The following NCAPD2 variants were observed in gnomAD, a reference collection of about 807,000 sequenced individuals.
NCAPD2 encodes the protein non-SMC condensin I complex subunit D2.
NCAPD2 carries 100 observed loss-of-function variants against 164.5 expected under a neutral mutation model. That is an observed-to-expected ratio of 0.61 (90% CI 0.52 to 0.72). NCAPD2 has a LOEUF of 0.72. NCAPD2 is among the 30% of genes least tolerant of loss of function. The probability of loss-of-function intolerance (pLI) is 0.00; values close to 1 mark genes in which losing one functional copy is unlikely to be tolerated. For synonymous variants in NCAPD2, 585 were observed against 642.6 expected (o/e 0.91, Z 1.36); for missense variants, 1,560 against 1,749.2 (o/e 0.89, Z 1.93).
rs185182072 is a variant in NCAPD2, at chr12:6,505,343, G to A, written c.128-4374G>A. Among the ~76,000 whole-genome samples, 209 of 152,342 alleles carry A rather than the reference G, an allele frequency of 1.4e-3. 1 individual carries two copies. Among genetic ancestry groups the A allele is most frequent in the African/African-American group, 4.5e-3 (187 of 41,578 alleles). On this transcript the variant is annotated intron_variant, in intron 2 of 31. Coordinates refer to ENST00000315579, the MANE Select transcript of NCAPD2 (RefSeq NM_014865.4). ...GGTCTCCAAAGCGCTGGGATTTACA[G>A]GTGTGAGCCAGCGTGCCCGGTCTGC...
In NCAPD2 at chr12:6,531,511, TAAA is replaced by T; in HGVS notation, c.*109_*111del. 1 of 1,359,994 alleles carries T rather than the reference TAAA, an allele frequency of 7.4e-7. No individual in the cohort carries two copies. Among genetic ancestry groups the T allele is most frequent in the South Asian group, 1.4e-5 (1 of 74,020 alleles). 84.2% of individuals were successfully genotyped at this position (1,359,994 alleles called of 1,614,324 possible). A position where few individuals can be genotyped will look rare whatever the true frequency, so the allele number is the denominator to read the frequency against. On this transcript the variant is annotated 3_prime_UTR_variant, in exon 32 of 32. Transcript: ENST00000315579. The surrounding 1 kb of genome is among the most constrained non-coding windows in gnomAD (Gnocchi z 4.1). Reference sequence around the variant, plus strand: ...AAAATATTTGTCTGTCTCTTTTTTTTAAAAAAAAAAAAGGCCGGGCACTGTGGC... The same window carrying T: ...AAAATATTTGTCTGTCTCTTTTTTTTAAAAAAAAAGGCCGGGCACTGTGGC...
At chr12:6,499,179 G>C (rs937165272) in intron 2 of NCAPD2, among the ~76,000 whole-genome samples, 12 of 151,936 alleles carry the variant, frequency 7.9e-5, no homozygotes, top group African/African-American at 2.7e-4. Context: ...TACAATTTAT[G>C]AATTGTGTAT....
In NCAPD2 at chr12:6,519,690, A is replaced by G. The variant is rs141810239; in HGVS notation, c.1590-1296A>G. Among the ~76,000 whole-genome samples the G allele has an allele frequency of 4.4e-4, 67 of 151,896 alleles. 1 individual carries two copies. The highest frequency in any genetic ancestry group is 1.6e-3 in the African/African-American group (67 of 41,424). ...ACCATCTTGTTTTTTTCACTTAACT[A>G]TGTGTCTCAGTGGTTTTTAAAAATA... On this transcript the variant is annotated intron_variant, in intron 13 of 31. Transcript: ENST00000315579.
intron 2 of NCAPD2, among the ~76,000 whole-genome samples, chr12:6,509,283 C>T (rs964889641): frequency 1.2e-4 from 18 of 151,948 alleles, no homozygotes; most frequent in East Asian, 5.8e-4. Flanking sequence ...TGAGATGAGA[C>T]GGAGTTTTGC....
chr12:6,518,504 G>GTTTTTTGTTTTTTTTTTTT (rs1946226490), intron 13 of NCAPD2, among the ~76,000 whole-genome samples: 1 of 44,774 alleles, frequency 2.2e-5, no homozygotes, highest in African/African-American at 1.0e-4. Context: ...CCGTCAACAA[G>GTTTTTTGTTTTTTTTTTTT]TTTTTTTTTT....
Position 6,513,361 on chromosome 12 carries a change from T to C in NCAPD2, c.588-904T>C, listed in dbSNP as rs144987552. ...TTTGAGATCAGCCTGGACAACATAG[T>C]GAAACTGTGTCTCTACAAAAAATAG... On this transcript the variant is annotated intron_variant, in intron 6 of 31. Coordinates refer to ENST00000315579, the MANE Select transcript of NCAPD2 (RefSeq NM_014865.4). Among the ~76,000 whole-genome samples the C allele has an allele frequency of 1.5e-3, 228 of 152,126 alleles. 5 individuals are homozygous for C. The East Asian group carries it at 0.043, about 29-fold the overall frequency.
chr12:6,514,306 C>T lies in NCAPD2; in HGVS notation c.629C>T (p.Thr210Ile), dbSNP rs756503239. 17 of 1,614,156 alleles carry T rather than the reference C, an allele frequency of 1.1e-5. No individual in the cohort carries two copies. The highest frequency in any genetic ancestry group is 7.7e-5 in the South Asian group (7 of 91,080). Residue 210 changes from threonine to isoleucine, a missense_variant, in exon 7 of 32, where the codon ACC (threonine) becomes ATC (isoleucine). Physicochemically the swap from Thr to Ile is moderately conservative, Grantham distance 89 (BLOSUM62 -1). Transcript: ENST00000315579. Reference sequence around the variant, plus strand: ...TGCTACCGCCTTCTGGAGAATCCCACCATTAATCACCAGAAGAACCGCCCC... The same window carrying T: ...TGCTACCGCCTTCTGGAGAATCCCATCATTAATCACCAGAAGAACCGCCCC... Reference protein sequence around the residue: ...GCCYRLLENPTINHQKNRPTR... With the variant: ...GCCYRLLENPIINHQKNRPTR...
chr12:6,524,648 C>CAAAAAAAAAAAAAAAAAAA (rs35443041), intron 17 of NCAPD2, among the ~76,000 whole-genome samples: 1 of 66,582 alleles, frequency 1.5e-5, no homozygotes. Context: ...GACTCTGTCT[C>CAAAAAAAAAAAAAAAAAAA]AAAAAAAAAA....
At chr12:6,517,571 C>T (rs767936658) in intron 11 of NCAPD2, 25 bp from the exon 12 acceptor site, 13 of 1,614,158 alleles carry the variant, frequency 8.1e-6, no homozygotes, top group Non-Finnish European at 1.0e-5. Context: ...CATTTACTGA[C>T]CCTGCTATTC....
chr12:6,519,295 A>G (rs1245884901), intron 13 of NCAPD2, among the ~76,000 whole-genome samples: 1 of 152,134 alleles, frequency 6.6e-6, no homozygotes, highest in Non-Finnish European at 1.5e-5. Context: ...TAGAGACTAT[A>G]GTTTTATAAG....
At position 6,521,127 on chromosome 12, in the gene NCAPD2, T is replaced by C. The variant is rs1457244493; in HGVS notation, c.1714+17T>C. Reference sequence around the variant, plus strand: ...TCTTCAAAGGTAATCATTTTCCTTCTTCAGTCAATAAATAACACATGTCAA... The same window carrying C: ...TCTTCAAAGGTAATCATTTTCCTTCCTCAGTCAATAAATAACACATGTCAA... On this transcript the variant is annotated intron_variant, in intron 14 of 31. Transcript: ENST00000315579. 3.1e-6 allele frequency: 5 copies of C among 1,612,862 alleles called. 1 individual carries two copies. In the South Asian group the frequency reaches 5.5e-5, roughly 18 times the overall value.
intron 3 of NCAPD2, 94 bp downstream of exon 3, chr12:6,509,886 A>G: frequency 1.4e-6 from 2 of 1,401,628 alleles, no homozygotes; most frequent in Admixed American, 3.7e-5. Context: ...TTATAGGTTC[A>G]CTGATAAATG....
intron 2 of NCAPD2, among the ~76,000 whole-genome samples, chr12:6,504,676 G>A (rs1314999401): frequency 6.6e-6 from 1 of 152,062 alleles, no homozygotes; most frequent in Non-Finnish European, 1.5e-5. Context: ...ACAGGTGTGA[G>A]CCACCGCGTC....
chr12:6,507,707 A>G (rs1253007240), intron 2 of NCAPD2, among the ~76,000 whole-genome samples: 10 of 152,332 alleles, frequency 6.6e-5, no homozygotes, highest in African/African-American at 2.2e-4. Flanking sequence ...TAATAGTAAG[A>G]AATAGTAAGA....
intron 21 of NCAPD2, 82 bp from the exon 22 acceptor site, chr12:6,526,809 G>A (rs1002469530): frequency 6.7e-6 from 10 of 1,503,096 alleles, no homozygotes; most frequent in Non-Finnish European, 8.1e-6. Context: ...TGAGCAAGGG[G>A]AAGATCAGTA....
rs2137063244 is a variant in NCAPD2 at position 6,530,776 on chromosome 12, C to T, written c.3923C>T (p.Ala1308Val). ...ATCAAGGAGCTTGAGATTGGCCAAG[C>T]AGGTAGCCAGAGAGCGCCATCAGCC... is the stretch of plus-strand genomic sequence containing the variant. Reference protein sequence around the residue: ...DGIKELEIGQAGSQRAPSAKK... With the variant: ...DGIKELEIGQVGSQRAPSAKK... Residue 1308 changes from alanine (A) to valine (V), a missense_variant, in exon 30 of 32, where the codon GCA (alanine) becomes GTA (valine). Ala to Val is a moderately conservative substitution (Grantham distance 64). Transcript: ENST00000315579. 1.2e-6 allele frequency: 2 copies of T among 1,614,218 alleles called. No homozygotes were observed. Among genetic ancestry groups the T allele is most frequent in the Middle Eastern group, 1.6e-4 (1 of 6,062 alleles).
At chr12:6,522,319 C>G (rs546392039) in intron 15 of NCAPD2, among the ~76,000 whole-genome samples, 2 of 151,858 alleles carry the variant, frequency 1.3e-5, no homozygotes, top group African/African-American at 4.8e-5. Flanking sequence ...GGCGCGATGG[C>G]TCATGCCTGT....
chr12:6,508,585 G>A (rs1428308987), intron 2 of NCAPD2, among the ~76,000 whole-genome samples: 1 of 152,148 alleles, frequency 6.6e-6, no homozygotes, highest in Non-Finnish European at 1.5e-5. Flanking sequence ...AATAGAGATA[G>A]AAAATCACCA....
rs183065417 is a variant in NCAPD2 at position 6,497,283 on chromosome 12, T to G, written c.127+2058T>G. On this transcript the variant is annotated intron_variant, in intron 2 of 31. Transcript: ENST00000315579. Reference sequence around the variant, plus strand: ...TTCACTTATTATAATGATGCATCATTTTTTTAAATGGTCACCTTTTTTTTT... The same window carrying G: ...TTCACTTATTATAATGATGCATCATGTTTTTAAATGGTCACCTTTTTTTTT... Among the ~76,000 whole-genome samples the G allele has an allele frequency of 3.6e-3, 439 of 120,530 alleles. 4 individuals carry two copies. The highest frequency in any genetic ancestry group is 0.014 in the African/African-American group (425 of 30,658). The allele number at this position is 120,530 out of a possible 152,430, so 79.1% of individuals were successfully genotyped here.
Sources: gnomAD v4.1 joint callset for allele counts (sites outside exome capture counted in the v4.1 genomes callset) on GRCh38, gnomAD v4.1.1 for gene constraint, Gnocchi (gnomAD v3.1) non-coding constraint, MANE v1.5 for transcripts, NCBI Gene and HGNC (gene_info 2026-07-23, HGNC 2026-07-21) for gene names.